ZFHX4: variants seen among roughly 807,000 people sequenced by gnomAD.
ZFHX4 encodes the protein zinc finger homeobox 4, also known as zinc finger homeobox protein 4.
In ZFHX4, 56 loss-of-function variants were observed where a neutral mutation model predicts 267.6. That is an observed-to-expected ratio of 0.21 (90% CI 0.17 to 0.26). The LOEUF (loss-of-function observed/expected upper bound fraction) is 0.26. Among genes scored for constraint, ZFHX4 ranks in the 10% least tolerant of loss-of-function variants. ZFHX4 has a pLI of 1.00. For synonymous variants in ZFHX4, 1,778 were observed against 1,665.6 expected, an observed-to-expected ratio of 1.07 and a Z score of -1.64; for missense variants, 4,332 against 4,420.0, an observed-to-expected ratio of 0.98 and a Z score of 0.56.
intron 4 of ZFHX4, among the ~76,000 whole-genome samples, chr8:76,787,684 G>C (rs977532516): frequency 6.6e-6 from 1 of 151,296 alleles, no homozygotes; most frequent in African/African-American, 2.4e-5. Context: ...ATGGTGGCGG[G>C]AGCATGTAGT....
intron 3 of ZFHX4, among the ~76,000 whole-genome samples, chr8:76,738,919 T>G (rs1277318181): frequency 6.6e-6 from 1 of 152,076 alleles, no homozygotes; most frequent in African/African-American, 2.4e-5. Flanking sequence ...TTTACCATGT[T>G]GCCCAGGCTG....
intron 4 of ZFHX4, among the ~76,000 whole-genome samples, chr8:76,803,274 G>T (rs1019333380): frequency 6.6e-6 from 1 of 152,042 alleles, no homozygotes; most frequent in African/African-American, 2.4e-5. Flanking sequence ...GTGTGTGTGT[G>T]TGTGTGTGTG....
At chr8:76,808,307 A>T (rs955961919) in intron 4 of ZFHX4, among the ~76,000 whole-genome samples, 15 of 152,138 alleles carry the variant, frequency 9.9e-5, no homozygotes, top group African/African-American at 3.6e-4. Context: ...CACCCAAATA[A>T]TCTATCTAAA....
intron 3 of ZFHX4, among the ~76,000 whole-genome samples, chr8:76,751,943 A>C (rs932857916): frequency 1.3e-5 from 2 of 152,130 alleles, no homozygotes; most frequent in Non-Finnish European, 2.9e-5. Context: ...TATTGCTAGA[A>C]AGGATAATGC....
At chr8:76,775,895 C>CTTTTT (rs904035424) in intron 3 of ZFHX4, among the ~76,000 whole-genome samples, 1 of 122,472 alleles carries the variant, frequency 8.2e-6, no homozygotes, top group African/African-American at 2.9e-5. Context: ...AGTAAGTTTT[C>CTTTTT]TTTTTTTTTT....
intron 6 of ZFHX4, among the ~76,000 whole-genome samples, chr8:76,847,297 A>G (rs1812387950): frequency 6.6e-6 from 1 of 152,170 alleles, no homozygotes; most frequent in Admixed American, 6.6e-5. Context: ...TGACTTTCCT[A>G]TTTTGACATA....
Position 76,855,975 on chromosome 8 carries a change from C to T in ZFHX4, c.9054C>T (p.Ala3018=), listed in dbSNP as rs1206244276. 17 of 1,613,772 alleles carry T rather than the reference C, an allele frequency of 1.1e-5. No homozygotes were observed. Among genetic ancestry groups the T allele is most frequent in the Non-Finnish European group, 1.4e-5 (17 of 1,179,874 alleles). Residue 3018 remains alanine, a synonymous_variant, in exon 10 of 11, where the codon GCC becomes GCT. Coordinates refer to ENST00000651372, the MANE Select transcript of ZFHX4 (RefSeq NM_024721.5). Reference sequence around the variant, plus strand: ...CCCTCTGCGGGGTGAAGTACTCTGCCCGCTTGTCCATCAGAGATCACATTT... The same window carrying T: ...CCCTCTGCGGGGTGAAGTACTCTGCTCGCTTGTCCATCAGAGATCACATTT... ...ECTLCGVKYS[A]RLSIRDHIFS... is the part of the protein sequence containing the mutation.
chr8:76,767,504 A>G (rs541514175), intron 3 of ZFHX4, among the ~76,000 whole-genome samples: 1 of 152,268 alleles, frequency 6.6e-6, no homozygotes, highest in Admixed American at 6.5e-5. Flanking sequence ...TGGGTATTGA[A>G]GTCATCTTAG....
chr8:76,862,060 A>G (rs1291457215), intron 10 of ZFHX4, among the ~76,000 whole-genome samples: 1 of 152,194 alleles, frequency 6.6e-6, no homozygotes. Flanking sequence ...TGCCTCTAAA[A>G]ACATCTTCAA....
chr8:76,850,111 T>G, intron 8 of ZFHX4, 134 bp from the exon 9 acceptor site: 1 of 686,272 alleles, frequency 1.5e-6, no homozygotes, highest in Non-Finnish European at 2.5e-6. Flanking sequence ...CATTGATCTG[T>G]AACATCTGCA....
chr8:76,708,282 T>G (rs1231699671), intron 3 of ZFHX4: 2 of 548,460 alleles, frequency 3.6e-6, no homozygotes, highest in Non-Finnish European at 6.4e-6. Flanking sequence ...TGGCATTTAT[T>G]TCTTCACTGG....
intron 10 of ZFHX4, 120 bp from the exon 11 acceptor site, chr8:76,862,974 G>A (rs116295007): frequency 3.8e-4 from 520 of 1,375,264 alleles, no homozygotes; most frequent in Non-Finnish European, 4.5e-4. Flanking sequence ...CCTATTGTGT[G>A]TAATACATCT....
intron 3 of ZFHX4, among the ~76,000 whole-genome samples, chr8:76,712,411 T>G (rs891616214): frequency 1.3e-5 from 2 of 152,080 alleles, no homozygotes. Flanking sequence ...TTTTTCTTAG[T>G]AGGAAATAAT....
intron 4 of ZFHX4, among the ~76,000 whole-genome samples, chr8:76,780,430 A>G (rs1252184222): frequency 5.3e-5 from 8 of 152,198 alleles, no homozygotes; most frequent in South Asian, 2.1e-4. Flanking sequence ...AAACCAAATG[A>G]TATCAGTAGG....
At position 76,844,572 on chromosome 8, in the gene ZFHX4, G is replaced by C. The variant is rs911150786; in HGVS notation, c.3511+1801G>C. Among the ~76,000 whole-genome samples, 4 of 152,136 alleles carry C rather than the reference G, an allele frequency of 2.6e-5. No individual in the cohort carries two copies. The South Asian group carries it at 8.3e-4, about 32-fold the overall frequency. The stretch of plus-strand genomic sequence containing the variant: ...CCACTTACTGCTCCGCAAAAGTAGT[G>C]GACTCAATCACTCCCTAATGGGCTG... On this transcript the variant is annotated intron_variant, in intron 6 of 10. Transcript: ENST00000651372.
At chr8:76,685,867 G>A (rs1807679939) in intron 1 of ZFHX4, among the ~76,000 whole-genome samples, 1 of 152,160 alleles carries the variant, frequency 6.6e-6, no homozygotes, top group African/African-American at 2.4e-5. Flanking sequence ...GAATGACTTA[G>A]CTGATCTATG....
At chr8:76,810,884 A>G (rs1811359774) in intron 4 of ZFHX4, among the ~76,000 whole-genome samples, 1 of 152,184 alleles carries the variant, frequency 6.6e-6, no homozygotes, top group Non-Finnish European at 1.5e-5. Context: ...AGGTCTCTAT[A>G]AAAATGTTTC....
At chr8:76,810,229 C>T (rs1010183621) in intron 4 of ZFHX4, among the ~76,000 whole-genome samples, 1 of 152,060 alleles carries the variant, frequency 6.6e-6, no homozygotes, top group South Asian at 2.1e-4. Flanking sequence ...ACTACAAAAC[C>T]TATATCAAAA....
rs776720099 is a variant in ZFHX4 at position 76,854,935 on chromosome 8, C to G, written c.8014C>G (p.Gln2672Glu). The change falls in exon 10 of 11, where the codon CAG (glutamine) becomes GAG (glutamate). Residue 2672 changes from glutamine to glutamate, a missense_variant. This residue lies in a region of ZFHX4 where 1,648 missense variants were observed against 1,625.0 expected (regional missense o/e 1.01). Coordinates refer to ENST00000651372, the MANE Select transcript of ZFHX4 (RefSeq NM_024721.5). ...CCAGTTCCGGGCGGTGGGTCCAGCA[C>G]AGTCTCATAAACGGTGTCCGTTTTG... is the stretch of plus-strand genomic sequence containing the variant. ...KGQFRAVGPA[Q>E]SHKRCPFCRA... The G allele has an allele frequency of 2.3e-5, 37 of 1,613,810 alleles. No homozygotes were observed. Among genetic ancestry groups the G allele is most frequent in the Non-Finnish European group, 3.0e-5 (35 of 1,179,880 alleles).
Sources: gnomAD v4.1 joint callset for allele counts (sites outside exome capture counted in the v4.1 genomes callset) on GRCh38, gnomAD v4.1.1 for gene constraint, gnomAD v4.1.1 regional missense constraint, MANE v1.5 for transcripts, NCBI Gene and HGNC (gene_info 2026-07-23, HGNC 2026-07-21) for gene names.